The following AKAP6 variants were observed in gnomAD, a reference collection of about 807,000 sequenced individuals.
AKAP6 encodes the protein A-kinase anchor protein 6.
Under a neutral mutation model 188.5 loss-of-function variants are expected in AKAP6, and 58 were observed. The ratio of observed to expected loss-of-function variants is 0.31; its 90% CI spans 0.25 to 0.38. The LOEUF (loss-of-function observed/expected upper bound fraction) is 0.38, where lower values mean the gene tolerates loss of function less well. AKAP6 is among the 10% of genes least tolerant of loss of function. AKAP6 has a pLI of 1.00. For synonymous variants in AKAP6, 989 were observed against 998.6 expected (o/e 0.99, Z 0.18); for missense variants, 2,710 against 2,740.0 (o/e 0.99, Z 0.24).
intron 2 of AKAP6, among the ~76,000 whole-genome samples, chr14:32,461,074 A>G (rs1891306993): frequency 6.6e-6 from 1 of 152,210 alleles, no homozygotes; most frequent in Non-Finnish European, 1.5e-5. Flanking sequence ...ACGGGCTTAC[A>G]GACAAAACCT....
At chr14:32,337,924 G>C (rs112622419) in intron 1 of AKAP6, among the ~76,000 whole-genome samples, 2,814 of 152,188 alleles carry the variant, frequency 0.018, 66 homozygotes, top group African/African-American at 0.055. Context: ...GGAGGCTGAG[G>C]GGGGAGGATT....
At chr14:32,363,451 A>T (rs1210685361) in intron 1 of AKAP6, among the ~76,000 whole-genome samples, 1 of 152,212 alleles carries the variant, frequency 6.6e-6, no homozygotes, top group Non-Finnish European at 1.5e-5. Flanking sequence ...AGCCAGTCTG[A>T]GTCCCAAAAC....
At chr14:32,757,336 G>A (rs1374182180) in intron 11 of AKAP6, among the ~76,000 whole-genome samples, 1 of 152,234 alleles carries the variant, frequency 6.6e-6, no homozygotes, top group East Asian at 1.9e-4. Flanking sequence ...ATCCTCCTAG[G>A]AGGCTAGGTT....
intron 1 of AKAP6, among the ~76,000 whole-genome samples, chr14:32,355,153 T>C (rs1026501538): frequency 6.6e-5 from 10 of 152,232 alleles, no homozygotes; most frequent in African/African-American, 2.4e-4. Context: ...GTACCTTAGA[T>C]GGCTGTGTTG....
intron 1 of AKAP6, among the ~76,000 whole-genome samples, chr14:32,382,483 G>T (rs1888396341): frequency 6.6e-6 from 1 of 152,184 alleles, no homozygotes; most frequent in Admixed American, 6.5e-5. Flanking sequence ...GATTAAGTGA[G>T]CTACTTCATG....
At chr14:32,536,351 G>A (rs1882677740) in intron 3 of AKAP6, among the ~76,000 whole-genome samples, 1 of 152,202 alleles carries the variant, frequency 6.6e-6, no homozygotes, top group Admixed American at 6.5e-5. Context: ...GGCAGAACAT[G>A]TTCTAGGCAG....
At chr14:32,821,375 CCTT>C in intron 12 of AKAP6, 24 bp from the exon 13 acceptor site, 1 of 1,544,996 alleles carries the variant, frequency 6.5e-7, no homozygotes, top group Non-Finnish European at 8.7e-7. Context: ...TAATTCTTCT[CCTT>C]TTCTTTTTCT....
chr14:32,747,172 G>T (rs1173320777), intron 11 of AKAP6, among the ~76,000 whole-genome samples: 3 of 152,054 alleles, frequency 2.0e-5, no homozygotes, highest in Non-Finnish European at 4.4e-5. Flanking sequence ...ATTTCAAATG[G>T]TATCATAAGT....
intron 7 of AKAP6, among the ~76,000 whole-genome samples, chr14:32,635,604 A>G (rs1056792717): frequency 3.2e-4 from 48 of 152,106 alleles, no homozygotes; most frequent in African/African-American, 1.1e-3. Flanking sequence ...ATGAATTACC[A>G]CAAAATCTGA....
chr14:32,785,371 A>G (rs2033369966), intron 12 of AKAP6, among the ~76,000 whole-genome samples: 1 of 152,234 alleles, frequency 6.6e-6, no homozygotes, highest in South Asian at 2.1e-4. Flanking sequence ...TTGAATTGAG[A>G]AAGTTTGAAT....
rs371293916 is a variant in AKAP6, at chr14:32,694,217, C to T, written c.2880-1773C>T. On this transcript the variant is annotated intron_variant, in intron 8 of 13. Transcript: ENST00000280979. ...TCCACCAAAAATACAAAAAATTAGC[C>T]GAGCGTGGTGGTGGGCGCCTGTAGT... is the stretch of plus-strand genomic sequence containing the variant. 2.5e-3 allele frequency among the ~76,000 whole-genome samples: 378 copies of T among 152,044 alleles called. 1 individual carries two copies. The highest frequency in any genetic ancestry group is 6.2e-3 in the South Asian group (30 of 4,810).
intron 7 of AKAP6, among the ~76,000 whole-genome samples, chr14:32,667,361 T>A (rs1194262779): frequency 6.6e-6 from 1 of 152,068 alleles, no homozygotes; most frequent in African/African-American, 2.4e-5. Context: ...TATGGTTCCC[T>A]ACTGACACAC....
At chr14:32,659,895 A>T (rs973187374) in intron 7 of AKAP6, among the ~76,000 whole-genome samples, 2 of 152,140 alleles carry the variant, frequency 1.3e-5, no homozygotes, top group Non-Finnish European at 2.9e-5. Flanking sequence ...GCTGTAGAGA[A>T]TAACAAACAA....
chr14:32,760,061 T>A (rs2032485455), intron 11 of AKAP6, among the ~76,000 whole-genome samples: 1 of 152,196 alleles, frequency 6.6e-6, no homozygotes, highest in Non-Finnish European at 1.5e-5. Context: ...TTATTTGGAG[T>A]TAGACTTTGA....
At chr14:32,410,124 C>A (rs1039495546) in intron 1 of AKAP6, among the ~76,000 whole-genome samples, 1 of 146,066 alleles carries the variant, frequency 6.8e-6, no homozygotes, top group African/African-American at 2.5e-5. Context: ...GAAAAATCGA[C>A]ATTCTGTAGA....
chr14:32,813,153 G>T (rs951485269), intron 12 of AKAP6, among the ~76,000 whole-genome samples: 1 of 152,086 alleles, frequency 6.6e-6, no homozygotes, highest in East Asian at 1.9e-4. Flanking sequence ...GCCATAACTT[G>T]CTAGAATTGC....
rs2034580144 is a variant in AKAP6 at position 32,823,235 on chromosome 14, C to A, written c.5422C>A (p.Pro1808Thr). Residue 1808 changes from proline to threonine, a missense_variant, in exon 13 of 14, where the codon CCA becomes ACA. Physicochemically the swap from Pro to Thr is conservative, Grantham distance 38. This residue lies in a region of AKAP6 where 2,473 missense variants were observed against 2,426.1 expected (regional missense o/e 1.02). Coordinates refer to ENST00000280979, the MANE Select transcript of AKAP6 (RefSeq NM_004274.5). The part of the protein sequence containing the change: ...IKNELQTWIR[P>T]KLSLTRDKKR... ...GAATGAATTACAGACCTGGATTAGG[C>A]CAAAATTGTCTTTGACAAGAGATAA... is the stretch of plus-strand genomic sequence containing the variant. The A allele has an allele frequency of 6.2e-7, 1 of 1,613,418 alleles. No homozygotes were observed. Among genetic ancestry groups the A allele is most frequent in the African/African-American group, 1.3e-5 (1 of 74,788 alleles).
chr14:32,501,077 C>A (rs1444358710), intron 2 of AKAP6, among the ~76,000 whole-genome samples: 6 of 152,086 alleles, frequency 3.9e-5, no homozygotes, highest in African/African-American at 1.4e-4. Context: ...AATAAAAATA[C>A]AGTAGAAGCC....
At chr14:32,556,792 C>T (rs1883707324) in intron 4 of AKAP6, among the ~76,000 whole-genome samples, 8 of 151,912 alleles carry the variant, frequency 5.3e-5, no homozygotes. Flanking sequence ...CTTTTGTTGC[C>T]TGTGGTTTTG....
Sources: gnomAD v4.1 joint callset for allele counts (sites outside exome capture counted in the v4.1 genomes callset) on GRCh38, gnomAD v4.1.1 for gene constraint, gnomAD v4.1.1 regional missense constraint, MANE v1.5 for transcripts, NCBI Gene and HGNC (gene_info 2026-07-23, HGNC 2026-07-21) for gene names.